The following ETV7 variants were observed in gnomAD, a reference collection of about 807,000 sequenced individuals.
The protein encoded by ETV7 is ETS variant transcription factor 7.
In ETV7, 43 loss-of-function variants were observed where a neutral mutation model predicts 39.1. The ratio of observed to expected loss-of-function variants is 1.10; its 90% CI spans 0.86 to 1.42. The LOEUF (loss-of-function observed/expected upper bound fraction) is 1.42. Among genes scored for constraint, ETV7 ranks in the 40% most tolerant of loss-of-function variants. The pLI is 0.00. For synonymous variants in ETV7, 196 were observed against 176.6 expected, an observed-to-expected ratio of 1.11 and a Z score of -0.87; for missense variants, 432 against 442.3, an observed-to-expected ratio of 0.98 and a Z score of 0.21.
At chr6:36,366,793 T>C (rs769215694) in intron 7 of ETV7, 31 bp from the exon 8 acceptor site, 1 of 1,613,692 alleles carries the variant, frequency 6.2e-7, no homozygotes, top group Non-Finnish European at 8.5e-7. Context: ...GCAAATCAGC[T>C]CCTGCCCCAG....
intron 6 of ETV7, among the ~76,000 whole-genome samples, chr6:36,367,324 TCCCAACTA>T (rs1354699568): frequency 1.3e-5 from 2 of 152,008 alleles, no homozygotes; most frequent in Non-Finnish European, 2.9e-5. Context: ...GTGCCTGTAG[TCCCAACTA>T]CTCAGGAGGC....
At chr6:36,367,453 A>AAAGG (rs371253306) in intron 6 of ETV7, among the ~76,000 whole-genome samples, 86 of 151,468 alleles carry the variant, frequency 5.7e-4, no homozygotes, top group South Asian at 1.7e-3. Flanking sequence ...AAAAAGAAAG[A>AAAGG]AAGGAAGGAA....
intron 2 of ETV7, among the ~76,000 whole-genome samples, chr6:36,381,285 T>C (rs1477544572): frequency 6.6e-6 from 1 of 152,214 alleles, no homozygotes; most frequent in Non-Finnish European, 1.5e-5. Context: ...GTCTGAGGGA[T>C]GCCGGTTCAA....
In ETV7 at chr6:36,375,905, G is replaced by T; in HGVS notation, c.273C>A (p.Thr91=). 2.5e-6 allele frequency: 4 copies of T among 1,614,080 alleles called. No individual in the cohort carries two copies. In the South Asian group the frequency reaches 4.4e-5, roughly 18 times the overall value. ...GCGCACGGTGCCGGAAGTCGTCCTT[G>T]GTGAGGATGCAGAGGGCGCGTCCGT... The part of the protein sequence containing the change: ...EMNGRALCIL[T]KDDFRHRAPS... Residue 91 remains threonine (T), a synonymous_variant, in exon 3 of 8, where the codon ACC becomes ACA. Coordinates refer to ENST00000340181, the MANE Select transcript of ETV7 (RefSeq NM_016135.4).
chr6:36,369,898 C>T (rs1436125154), intron 5 of ETV7, among the ~76,000 whole-genome samples: 1 of 140,482 alleles, frequency 7.1e-6, no homozygotes, highest in Admixed American at 7.3e-5. Flanking sequence ...GAGTGAGACC[C>T]TGTCTCTTAA....
chr6:36,378,736 G>T (rs1375459980), intron 2 of ETV7, among the ~76,000 whole-genome samples: 2 of 152,164 alleles, frequency 1.3e-5, no homozygotes, highest in Non-Finnish European at 2.9e-5. Context: ...CCTGTGTGTT[G>T]CAGGATGTTT....
chr6:36,386,247 G>C (rs1377410436), intron 1 of ETV7, among the ~76,000 whole-genome samples: 1 of 152,182 alleles, frequency 6.6e-6, no homozygotes, highest in African/African-American at 2.4e-5. Context: ...AGAATCACTT[G>C]AACCCGGGAA....
intron 6 of ETV7, among the ~76,000 whole-genome samples, chr6:36,367,224 C>T (rs1772771877): frequency 6.6e-6 from 1 of 152,136 alleles, no homozygotes; most frequent in Non-Finnish European, 1.5e-5. Flanking sequence ...GGGCAGATCG[C>T]TTGAGGTCAG....
chr6:36,366,651 A>G lies in ETV7; in HGVS notation c.1020T>C (p.Ser340=). 1 of 1,614,032 alleles carries G rather than the reference A, an allele frequency of 6.2e-7. No homozygotes were observed. Among genetic ancestry groups the G allele is most frequent in the Non-Finnish European group, 8.5e-7 (1 of 1,179,988 alleles). The change falls in exon 8 of 8, where the codon TCT becomes TCC. Residue 340 remains serine, a synonymous_variant. Coordinates refer to ENST00000340181, the MANE Select transcript of ETV7 (RefSeq NM_016135.4). ...IEFKDKRPEI[S]P ...CCTGGAGTCCACCTGCCCCTCACGG[A>G]GAGATTTCTGGCCTCTTGTCCTTGA...
chr6:36,371,217 C>T, intron 5 of ETV7, 113 bp downstream of exon 5: 2 of 1,076,118 alleles, frequency 1.9e-6, no homozygotes, highest in Non-Finnish European at 2.7e-6. Flanking sequence ...CTGCAATCCC[C>T]CAGCCACAGA....
rs187465317 is a variant in ETV7 at position 36,379,913 on chromosome 6, A to G, written c.143-3878T>C. ...AAAAGTAAAAACATACAACAACAAC[A>G]GAAAGCATAGATGATGTTGCCAGGC... On this transcript the variant is annotated intron_variant, in intron 2 of 7. Coordinates refer to ENST00000340181, the MANE Select transcript of ETV7 (RefSeq NM_016135.4). Among the ~76,000 whole-genome samples the G allele has an allele frequency of 2.6e-5, 4 of 152,168 alleles. No homozygotes were observed. In the East Asian group the frequency reaches 7.7e-4, roughly 29 times the overall value.
At chr6:36,354,709 G>A (rs1180435807) in intron 7 of ETV7, 2 of 692,808 alleles carry the variant, frequency 2.9e-6, no homozygotes, top group African/African-American at 3.5e-5. Flanking sequence ...AAAAAAAGCA[G>A]TTGGAATTTT....
chr6:36,366,078 G>A (rs1034955098), downstream of ETV7: 10 of 545,578 alleles, frequency 1.8e-5, no homozygotes, highest in Non-Finnish European at 2.3e-5. Context: ...GGAGGCTGAG[G>A]CACGAGAATC....
chr6:36,357,882 A>C (rs75502165), intron 7 of ETV7, among the ~76,000 whole-genome samples: 3 of 140,232 alleles, frequency 2.1e-5, no homozygotes, highest in Non-Finnish European at 3.0e-5. Flanking sequence ...TGTCTCAAAA[A>C]CAAAAACAAA....
chr6:36,372,460 G>A (rs1339591873), intron 4 of ETV7, among the ~76,000 whole-genome samples: 1 of 152,074 alleles, frequency 6.6e-6, no homozygotes, highest in African/African-American at 2.4e-5. Flanking sequence ...TCTCTGTGCT[G>A]TGGAGAATAG....
At chr6:36,383,331 A>G (rs925157484) in intron 2 of ETV7, among the ~76,000 whole-genome samples, 8 of 152,020 alleles carry the variant, frequency 5.3e-5, no homozygotes. Context: ...CCTTGCCACA[A>G]CCCTGGACAT....
intron 6 of ETV7, among the ~76,000 whole-genome samples, chr6:36,368,280 C>T (rs1214573038): frequency 6.6e-6 from 1 of 152,180 alleles, no homozygotes; most frequent in Non-Finnish European, 1.5e-5. Context: ...CACATTACAT[C>T]TTAGGAAAGG....
intron 7 of ETV7, among the ~76,000 whole-genome samples, chr6:36,357,857 G>T (rs1044162463): frequency 6.6e-6 from 1 of 152,052 alleles, no homozygotes; most frequent in African/African-American, 2.4e-5. Context: ...CAGCCCAGGT[G>T]ACAGAGTGAG....
At chr6:36,380,500 A>T (rs1773598786) in intron 2 of ETV7, among the ~76,000 whole-genome samples, 1 of 152,174 alleles carries the variant, frequency 6.6e-6, no homozygotes, top group South Asian at 2.1e-4. Flanking sequence ...CAGCAAGAGG[A>T]GCTGCCTGTC....
Sources: gnomAD v4.1 joint callset for allele counts (sites outside exome capture counted in the v4.1 genomes callset) on GRCh38, gnomAD v4.1.1 for gene constraint, MANE v1.5 for transcripts, NCBI Gene and HGNC (gene_info 2026-07-23, HGNC 2026-07-21) for gene names.